RALGAPB: variants seen among roughly 807,000 people sequenced by gnomAD.
RALGAPB encodes Ral GTPase activating protein non-catalytic subunit beta.
RALGAPB carries 25 observed loss-of-function variants against 161.1 expected under a neutral mutation model. The observed-to-expected ratio is 0.16, with a 90% CI of 0.11 to 0.22. The LOEUF (loss-of-function observed/expected upper bound fraction) is 0.22. RALGAPB is among the 10% of genes least tolerant of loss of function. The pLI is 1.00. For synonymous variants in RALGAPB, 629 were observed against 626.1 expected, an observed-to-expected ratio of 1.00 and a Z score of -0.07; for missense variants, 1,391 against 1,815.2, an observed-to-expected ratio of 0.77 and a Z score of 4.25.
chr20:38,564,122 T>G (rs376342924), intron 24 of RALGAPB, among the ~76,000 whole-genome samples: 1 of 152,130 alleles, frequency 6.6e-6, no homozygotes, highest in East Asian at 1.9e-4. Context: ...TGCTGCAGAA[T>G]AGGGGTGGAT....
chr20:38,576,563 A>C lies in RALGAPB; in HGVS notation c.*1596A>C, dbSNP rs1004211690. 15 of 151,980 alleles carry C rather than the reference A, an allele frequency of 9.9e-5. No homozygotes were observed. The highest frequency in any genetic ancestry group is 2.6e-4 in the Admixed American group (4 of 15,254). The allele number at this position is 151,980 out of a possible 1,614,324, so 9.4% of individuals were successfully genotyped here. A position where few individuals can be genotyped will look rare whatever the true frequency, so the allele number is the denominator to read the frequency against. On this transcript the variant is annotated 3_prime_UTR_variant, in exon 30 of 30. Coordinates refer to ENST00000262879, the MANE Select transcript of RALGAPB (RefSeq NM_020336.4). ...GTAAAGATAACCTCCTCTTTCTATGACTCCAGTTTCCATTCAGGTTATAGT... is the reference window on the plus strand; with the variant it reads ...GTAAAGATAACCTCCTCTTTCTATGCCTCCAGTTTCCATTCAGGTTATAGT...
chr20:38,551,114 G>C lies in RALGAPB; in HGVS notation c.3053G>C (p.Gly1018Ala). The change falls in exon 21 of 30, where the codon GGA becomes GCA. Residue 1018 changes from glycine to alanine, a missense_variant. Gly to Ala is a moderately conservative substitution (Grantham distance 60, BLOSUM62 0). Transcript: ENST00000262879. ...CGCCCAGTTCCTAAAAATGACGTTG[G>C]ATTTAAATATTCTGTGAAACATCGG... ...EPRPVPKNDVGFKYSVKHRPF... is the reference protein window; with the variant it reads ...EPRPVPKNDVAFKYSVKHRPF... 1 of 1,613,964 alleles carries C rather than the reference G, an allele frequency of 6.2e-7. No individual in the cohort carries two copies. Among genetic ancestry groups the C allele is most frequent in the Non-Finnish European group, 8.5e-7 (1 of 1,179,878 alleles).
At chr20:38,544,630 G>A (rs1417583680) in intron 18 of RALGAPB, among the ~76,000 whole-genome samples, 2 of 152,046 alleles carry the variant, frequency 1.3e-5, no homozygotes, top group Admixed American at 1.3e-4. Context: ...ACTACACCCT[G>A]CTAATTTTTG....
At chr20:38,556,812 A>G (rs1456875687) in intron 22 of RALGAPB, among the ~76,000 whole-genome samples, 30 of 152,340 alleles carry the variant, frequency 2.0e-4, no homozygotes. Flanking sequence ...TTCCTTTTCC[A>G]TGATTTCAAC....
chr20:38,529,854 T>G (rs2086597077), intron 13 of RALGAPB, among the ~76,000 whole-genome samples: 1 of 151,562 alleles, frequency 6.6e-6, no homozygotes, highest in African/African-American at 2.4e-5. Flanking sequence ...AAAAAGAAAA[T>G]CATAAGGAAG....
chr20:38,546,091 T>C lies in RALGAPB; in HGVS notation c.2715-152T>C, dbSNP rs1196991613. On this transcript the variant is annotated intron_variant, in intron 18 of 29. Coordinates refer to ENST00000262879, the MANE Select transcript of RALGAPB (RefSeq NM_020336.4). ...AGGGGAGAGTCTGGACAGCATGCCA[T>C]GGCATTCACCACAAGGAGTAAATCT... 2.2e-6 allele frequency: 3 copies of C among 1,345,924 alleles called. No individual in the cohort carries two copies. The African/African-American group carries it at 4.4e-5, about 20-fold the overall frequency. 83.4% of individuals were successfully genotyped at this position (1,345,924 alleles called of 1,614,324 possible).
chr20:38,478,336 T>G (rs543109554), intron 1 of RALGAPB, among the ~76,000 whole-genome samples: 1 of 152,222 alleles, frequency 6.6e-6, no homozygotes, highest in Admixed American at 6.5e-5. Flanking sequence ...AGGGTTGTTA[T>G]TGGAATAAAA....
At chr20:38,550,074 C>T (rs2087320067) in intron 20 of RALGAPB, among the ~76,000 whole-genome samples, 1 of 152,066 alleles carries the variant, frequency 6.6e-6, no homozygotes, top group Non-Finnish European at 1.5e-5. Flanking sequence ...TATTCTCACT[C>T]ATAGGTGGGA....
intron 23 of RALGAPB, among the ~76,000 whole-genome samples, chr20:38,560,304 A>G (rs894852041): frequency 1.3e-5 from 2 of 152,238 alleles, no homozygotes; most frequent in African/African-American, 4.8e-5. Flanking sequence ...TAGGAGCCAT[A>G]GCAGGAAAAC....
rs372563346 is a variant in RALGAPB at position 38,553,881 on chromosome 20, C to G, written c.3177C>G (p.His1059Gln). Residue 1059 changes from histidine to glutamine, a missense_variant, in exon 22 of 30, where the codon CAC (histidine) becomes CAG (glutamine). By Grantham distance (24) the His-to-Gln change is conservative. This residue lies in a region of RALGAPB where 436 missense variants were observed against 527.0 expected (regional missense o/e 0.83). Coordinates refer to ENST00000262879, the MANE Select transcript of RALGAPB (RefSeq NM_020336.4). ...EIVTEELEER[H>Q]EKLRSGMAQQ... The stretch of plus-strand genomic sequence containing the variant: ...GTTTATTACAGTTAGAAGAGAGACA[C>G]GAAAAATTAAGGAGTGGCATGGCCC... 2 of 1,607,742 alleles carry G rather than the reference C, an allele frequency of 1.2e-6. No individual in the cohort carries two copies. The highest frequency in any genetic ancestry group is 8.5e-7 in the Non-Finnish European group (1 of 1,176,522).
intron 23 of RALGAPB, among the ~76,000 whole-genome samples, chr20:38,561,122 G>C (rs1025301310): frequency 6.6e-6 from 1 of 152,168 alleles, no homozygotes; most frequent in African/African-American, 2.4e-5. Flanking sequence ...TCAGGAGATC[G>C]AGACCATCCT....
chr20:38,555,031 T>C (rs1601038399), intron 22 of RALGAPB, among the ~76,000 whole-genome samples: 1 of 152,018 alleles, frequency 6.6e-6, no homozygotes, highest in South Asian at 2.1e-4. Flanking sequence ...TTACAGTGAG[T>C]TATGGTCACT....
intron 22 of RALGAPB, among the ~76,000 whole-genome samples, chr20:38,557,849 G>C (rs1424484505): frequency 6.6e-6 from 1 of 152,234 alleles, no homozygotes; most frequent in Admixed American, 6.5e-5. Context: ...AAACATTTGT[G>C]TGCAGGCTTT....
chr20:38,548,819 AGT>A (rs773346230), intron 20 of RALGAPB, 24 bp downstream of exon 20: 62 of 1,545,096 alleles, frequency 4.0e-5, no homozygotes, highest in African/African-American at 9.6e-5. Context: ...GTTACAGGGA[AGT>A]GTGTGTGTGT....
chr20:38,532,895 A>G (rs2086699610), intron 15 of RALGAPB, 36 bp downstream of exon 15: 1 of 1,595,968 alleles, frequency 6.3e-7, no homozygotes, highest in African/African-American at 1.3e-5. Context: ...AAAGTTTAAT[A>G]GAATGACTTT....
chr20:38,538,326 C>A, intron 16 of RALGAPB: 1 of 214,444 alleles, frequency 4.7e-6, no homozygotes, highest in Non-Finnish European at 1.0e-5. Flanking sequence ...GCGTCCTGGG[C>A]CCAAGTGGTA....
intron 23 of RALGAPB, among the ~76,000 whole-genome samples, chr20:38,559,564 G>A (rs2087716095): frequency 6.6e-6 from 1 of 152,134 alleles, no homozygotes; most frequent in East Asian, 1.9e-4. Flanking sequence ...CGTGGTGGCA[G>A]GCACCTGTAG....
At chr20:38,487,074 AC>A (rs567996987) in intron 1 of RALGAPB, among the ~76,000 whole-genome samples, 11 of 152,346 alleles carry the variant, frequency 7.2e-5, no homozygotes, top group African/African-American at 2.6e-4. Flanking sequence ...GAAAGGTTTT[AC>A]CAAAGAGAGG....
Position 38,493,147 on chromosome 20 carries a change from T to A in RALGAPB, c.389+15T>A. 6.4e-7 allele frequency: 1 copy of A among 1,562,254 alleles called. No individual in the cohort carries two copies. Among genetic ancestry groups the A allele is most frequent in the Non-Finnish European group, 8.8e-7 (1 of 1,136,978 alleles). ...TTTGTACCAAGGTAAGCTATACCTGTCTATCTGGCCCATTATCAGGGTCAT... is the reference window on the plus strand; with the variant it reads ...TTTGTACCAAGGTAAGCTATACCTGACTATCTGGCCCATTATCAGGGTCAT... On this transcript the variant is annotated intron_variant, in intron 3 of 29. Coordinates refer to ENST00000262879, the MANE Select transcript of RALGAPB (RefSeq NM_020336.4).
Sources: gnomAD v4.1 joint callset for allele counts (sites outside exome capture counted in the v4.1 genomes callset) on GRCh38, gnomAD v4.1.1 for gene constraint, gnomAD v4.1.1 regional missense constraint, MANE v1.5 for transcripts, NCBI Gene and HGNC (gene_info 2026-07-23, HGNC 2026-07-21) for gene names.